ERICH6: variants seen among roughly 807,000 people sequenced by gnomAD.
ERICH6 encodes the protein glutamate rich 6, also known as glutamate-rich protein 6.
Under a neutral mutation model 71.0 loss-of-function variants are expected in ERICH6, and 71 were observed. The ratio of observed to expected loss-of-function variants is 1.00; its 90% CI spans 0.83 to 1.22. ERICH6 has a LOEUF of 1.22. ERICH6 is among the 50% of genes most tolerant of loss of function. ERICH6 has a pLI of 0.00. For synonymous variants in ERICH6, 262 were observed against 278.4 expected (o/e 0.94, Z 0.59); for missense variants, 808 against 797.2 (o/e 1.01, Z -0.16).
Position 150,703,597 on chromosome 3 carries a change from A to G in ERICH6, c.302T>C (p.Ile101Thr), listed in dbSNP as rs1559924216. 6.2e-7 allele frequency: 1 copy of G among 1,614,012 alleles called. No individual in the cohort carries two copies. Among genetic ancestry groups the G allele is most frequent in the Non-Finnish European group, 8.5e-7 (1 of 1,179,980 alleles). The part of the protein sequence containing the change: ...FPDVRPRLAS[I>T]VSPSLTSTFV... The stretch of plus-strand genomic sequence containing the variant: ...CGTAGAGGTCAGGCTAGGGCTGACG[A>G]TGCTGGCTAAGCGGGGGCGCACGTC... Residue 101 changes from isoleucine (I) to threonine (T), a missense_variant, in exon 1 of 14, where the codon ATC becomes ACC. Around this residue, in one of 3 missense-constraint regions of ERICH6, gnomAD observed 736 missense variants for 712.2 expected, o/e 1.03. Transcript: ENST00000295910.
chr3:150,690,937 G>A (rs1039030681), intron 3 of ERICH6, among the ~76,000 whole-genome samples: 3 of 152,200 alleles, frequency 2.0e-5, no homozygotes, highest in African/African-American at 7.2e-5. Flanking sequence ...GCTTTAGGCA[G>A]TCTGGTCCAC....
chr3:150,661,092 G>A (rs1727208904), intron 13 of ERICH6, among the ~76,000 whole-genome samples: 1 of 152,184 alleles, frequency 6.6e-6, no homozygotes, highest in Non-Finnish European at 1.5e-5. Context: ...TGTTTCCAGC[G>A]GGGTTGGAAT....
At position 150,703,735 on chromosome 3, in the gene ERICH6, ACCTCCTCCTCCTCCTCCTCCACCTCTT is replaced by A; in HGVS notation, c.137_163del (p.Glu46_Glu54del). The A allele has an allele frequency of 6.4e-7, 1 of 1,554,748 alleles. No individual in the cohort carries two copies. The highest frequency in any genetic ancestry group is 2.3e-5 in the East Asian group (1 of 42,838). On this transcript the variant is annotated inframe_deletion, in exon 1 of 14. Transcript: ENST00000295910. Reference sequence around the variant, plus strand: ...TTCCCCCACCAACTCCTCCTCCACCACCTCCTCCTCCTCCTCCTCCACCTCTTCCTCCTCCTCCTCCACCTCTTCCTC... The same window carrying A: ...TTCCCCCACCAACTCCTCCTCCACCACCTCCTCCTCCTCCACCTCTTCCTC...
intron 9 of ERICH6, 64 bp from the exon 10 acceptor site, chr3:150,678,618 A>G: frequency 1.5e-6 from 2 of 1,374,830 alleles, no homozygotes; most frequent in Non-Finnish European, 1.9e-6. Context: ...CCTCTTTTCT[A>G]AAATGAAATT....
At chr3:150,687,010 A>C (rs571688865) in intron 3 of ERICH6, among the ~76,000 whole-genome samples, 160 of 152,312 alleles carry the variant, frequency 1.1e-3, no homozygotes, top group African/African-American at 3.7e-3. Flanking sequence ...GTCTCTACTA[A>C]AAATACAAAA....
chr3:150,677,502 A>T (rs555739899), intron 10 of ERICH6, among the ~76,000 whole-genome samples: 91 of 147,462 alleles, frequency 6.2e-4, no homozygotes, highest in Admixed American at 2.9e-3. Context: ...TGAAAAAAAA[A>T]TTTTTTTTTT....
chr3:150,698,690 G>T, intron 3 of ERICH6, 101 bp downstream of exon 3: 2 of 933,658 alleles, frequency 2.1e-6, no homozygotes, highest in South Asian at 1.5e-5. Context: ...GTATGTGTTG[G>T]GGCTGGGATT....
intron 3 of ERICH6, among the ~76,000 whole-genome samples, chr3:150,686,568 C>T (rs1712200371): frequency 6.6e-6 from 1 of 152,134 alleles, no homozygotes; most frequent in African/African-American, 2.4e-5. Flanking sequence ...AATGTTTCCC[C>T]TTCCTTTCTA....
chr3:150,677,711 G>C (rs900985263), intron 10 of ERICH6, among the ~76,000 whole-genome samples: 9 of 152,000 alleles, frequency 5.9e-5, no homozygotes, highest in African/African-American at 1.7e-4. Context: ...TGTCCAGGCT[G>C]GTCTTGAATT....
intron 3 of ERICH6, among the ~76,000 whole-genome samples, chr3:150,698,505 TATA>T (rs1712738060): frequency 6.6e-6 from 1 of 152,236 alleles, no homozygotes; most frequent in Non-Finnish European, 1.5e-5. Flanking sequence ...GTATCAAAAA[TATA>T]ATGGCAGATT....
chr3:150,672,964 G>A (rs1711524240), intron 11 of ERICH6, among the ~76,000 whole-genome samples: 1 of 152,038 alleles, frequency 6.6e-6, no homozygotes, highest in African/African-American at 2.4e-5. Context: ...GGTTGAGGTT[G>A]CAGTGGGTCA....
In ERICH6 at chr3:150,703,671, C is replaced by T; in HGVS notation, c.228G>A (p.Glu76=). The T allele has an allele frequency of 6.2e-7, 1 of 1,613,596 alleles. No homozygotes were observed. The highest frequency in any genetic ancestry group is 1.7e-4 in the Middle Eastern group (1 of 6,054). The change falls in exon 1 of 14, where the codon GAG becomes GAA. Residue 76 remains glutamate, a synonymous_variant. Coordinates refer to ENST00000295910, the MANE Select transcript of ERICH6 (RefSeq NM_152394.5). ...ELEAPETFSE[E]YLWKVTDIGD... is the part of the protein sequence containing the mutation. ...CGATGTCCGTGACCTTCCAGAGGTA[C>T]TCTTCGCTGAACGTCTCAGGGGCCT... is the stretch of plus-strand genomic sequence containing the variant.
chr3:150,669,373 CA>C lies in ERICH6; in HGVS notation c.1421del (p.Met474SerfsTer8), dbSNP rs759564477. On this transcript the variant is annotated frameshift_variant, in exon 12 of 14. Transcript: ENST00000295910. LOFTEE classifies it high-confidence loss of function. ...NGFTCIVQED[M>X]PTNPAILAVL... ...CTGCTAGGATAGCAGGGTTAGTGGGCATATCTTCTTGGACTATACAAGTAAA... is the reference window on the plus strand; with the variant it reads ...CTGCTAGGATAGCAGGGTTAGTGGGCTATCTTCTTGGACTATACAAGTAAA... 6.2e-7 allele frequency: 1 copy of C among 1,613,830 alleles called. No individual in the cohort carries two copies. Among genetic ancestry groups the C allele is most frequent in the Admixed American group, 1.7e-5 (1 of 59,938 alleles).
chr3:150,696,830 T>G (rs1559921130), intron 3 of ERICH6, among the ~76,000 whole-genome samples: 1 of 152,200 alleles, frequency 6.6e-6, no homozygotes, highest in African/African-American at 2.4e-5. Flanking sequence ...ACCCTTTTGA[T>G]GGACGCATAC....
chr3:150,682,640 G>A lies in ERICH6; in HGVS notation c.784-324C>T, dbSNP rs1712016444. On this transcript the variant is annotated intron_variant, in intron 6 of 13. Coordinates refer to ENST00000295910, the MANE Select transcript of ERICH6 (RefSeq NM_152394.5). ...GTGGATACCAGAGTCCCTTGTTGGG[G>A]AGGGGAATGTGTAGTGTGTACCTAG... Among the ~76,000 whole-genome samples, 3 of 152,206 alleles carry A rather than the reference G, an allele frequency of 2.0e-5. 1 individual carries two copies. The South Asian group carries it at 6.2e-4, about 31-fold the overall frequency.
intron 11 of ERICH6, among the ~76,000 whole-genome samples, chr3:150,673,654 T>C (rs1056030027): frequency 6.6e-6 from 1 of 152,188 alleles, no homozygotes; most frequent in East Asian, 1.9e-4. Flanking sequence ...AGTGGCACAA[T>C]CTCAGTTCAC....
intron 3 of ERICH6, among the ~76,000 whole-genome samples, chr3:150,691,292 G>T (rs999295070): frequency 1.3e-5 from 2 of 152,014 alleles, no homozygotes; most frequent in Non-Finnish European, 2.9e-5. Context: ...TTCATTATTT[G>T]GGTATTTTGC....
chr3:150,685,948 A>T lies in ERICH6; in HGVS notation c.666+18T>A. The T allele has an allele frequency of 2.5e-6, 4 of 1,601,818 alleles. No homozygotes were observed. Among genetic ancestry groups the T allele is most frequent in the Non-Finnish European group, 3.4e-6 (4 of 1,168,752 alleles). On this transcript the variant is annotated intron_variant, in intron 5 of 13. Coordinates refer to ENST00000295910, the MANE Select transcript of ERICH6 (RefSeq NM_152394.5). ...CTATGAGAACAGTGTACTAGTTAGT[A>T]TGATAAACATTTCTTACCTCCAGCT...
At chr3:150,698,395 G>A (rs920882809) in intron 3 of ERICH6, among the ~76,000 whole-genome samples, 112 of 152,032 alleles carry the variant, frequency 7.4e-4, no homozygotes, top group Non-Finnish European at 1.3e-3. Context: ...GAAATATACT[G>A]GAAAAGTTAA....
Sources: gnomAD v4.1 joint callset for allele counts (sites outside exome capture counted in the v4.1 genomes callset) on GRCh38, gnomAD v4.1.1 for gene constraint, gnomAD v4.1.1 regional missense constraint, MANE v1.5 for transcripts, NCBI Gene and HGNC (gene_info 2026-07-23, HGNC 2026-07-21) for gene names.